Variants in HS3ST4 observed in about 807,000 individuals in gnomAD.
HS3ST4 encodes the protein heparan sulfate glucosamine 3-O-sulfotransferase 4.
A neutral mutation model predicts 29.2 loss-of-function variants in HS3ST4; 17 were observed. The observed-to-expected ratio is 0.58, with a 90% CI of 0.40 to 0.87. The LOEUF (loss-of-function observed/expected upper bound fraction) is 0.87. Among genes scored for constraint, HS3ST4 ranks in the 40% least tolerant of loss-of-function variants. HS3ST4 has a pLI of 0.00. For synonymous variants in HS3ST4, 314 were observed against 285.7 expected, an observed-to-expected ratio of 1.10 and a Z score of -1.00; for missense variants, 627 against 634.5, an observed-to-expected ratio of 0.99 and a Z score of 0.13.
At chr16:26,012,319 G>C (rs1265999707) in intron 1 of HS3ST4, among the ~76,000 whole-genome samples, 1 of 152,188 alleles carries the variant, frequency 6.6e-6, no homozygotes, top group African/African-American at 2.4e-5. Flanking sequence ...CAAAAAGAAA[G>C]GGAAGGTTTG....
At chr16:25,722,791 A>G (rs1966506599) in intron 1 of HS3ST4, among the ~76,000 whole-genome samples, 1 of 152,180 alleles carries the variant, frequency 6.6e-6, no homozygotes, top group African/African-American at 2.4e-5. Context: ...AGTAAAATGG[A>G]ACTACTAATA....
At position 25,922,327 on chromosome 16, in the gene HS3ST4, C is replaced by T. The variant is rs528147672; in HGVS notation, c.735-213285C>T. Among the ~76,000 whole-genome samples the T allele has an allele frequency of 3.9e-5, 6 of 152,146 alleles. No homozygotes were observed. In the South Asian group the frequency reaches 1.0e-3, roughly 26 times the overall value. Reference sequence around the variant, plus strand: ...GGATTGGTACCCTTAGCAAAGAGTCCCCAGAAAGCTGCCTTGCTCTTTGTA... The same window carrying T: ...GGATTGGTACCCTTAGCAAAGAGTCTCCAGAAAGCTGCCTTGCTCTTTGTA... On this transcript the variant is annotated intron_variant, in intron 1 of 1. Transcript: ENST00000331351.
intron 1 of HS3ST4, among the ~76,000 whole-genome samples, chr16:25,914,043 T>C (rs1436075443): frequency 1.4e-5 from 2 of 144,028 alleles, no homozygotes; most frequent in Admixed American, 1.4e-4. Context: ...TGTGTATGTG[T>C]GTGTGGGGTG....
At chr16:25,817,338 A>C (rs2141631511) in intron 1 of HS3ST4, among the ~76,000 whole-genome samples, 1 of 152,308 alleles carries the variant, frequency 6.6e-6, no homozygotes, top group East Asian at 1.9e-4. Context: ...ACTAGTACAG[A>C]GGTTGGCGAA....
At chr16:25,698,794 G>A (rs1966315829) in intron 1 of HS3ST4, among the ~76,000 whole-genome samples, 1 of 152,158 alleles carries the variant, frequency 6.6e-6, no homozygotes, top group Admixed American at 6.5e-5. Flanking sequence ...GCTTTGCAGT[G>A]TGCATCTCCT....
At chr16:26,032,746 C>T (rs1291238494) in intron 1 of HS3ST4, 2 of 1,102,956 alleles carry the variant, frequency 1.8e-6, no homozygotes, top group East Asian at 2.4e-5. Context: ...CGGATCTTCT[C>T]TGTGGTTCGT....
At chr16:26,102,200 C>G (rs565022109) in intron 1 of HS3ST4, among the ~76,000 whole-genome samples, 129 of 152,240 alleles carry the variant, frequency 8.5e-4, no homozygotes, top group African/African-American at 3.0e-3. Flanking sequence ...ACCTGAAAGA[C>G]TAAATCATCC....
intron 1 of HS3ST4, among the ~76,000 whole-genome samples, chr16:25,947,527 C>T (rs893363531): frequency 1.0e-4 from 15 of 149,842 alleles, no homozygotes; most frequent in East Asian, 6.0e-4. Context: ...GCAATCCATG[C>T]GGTCACCCAG....
At chr16:25,739,506 A>AC (rs1567230590) in intron 1 of HS3ST4, among the ~76,000 whole-genome samples, 1 of 152,120 alleles carries the variant, frequency 6.6e-6, no homozygotes, top group Non-Finnish European at 1.5e-5. Flanking sequence ...GACATGCTTA[A>AC]AAACAAACAA....
Position 25,880,485 on chromosome 16 carries a change from G to T in HS3ST4, c.734+187334G>T, listed in dbSNP as rs565435678. Among the ~76,000 whole-genome samples the T allele has an allele frequency of 5.9e-5, 9 of 152,278 alleles. No homozygotes were observed. In the East Asian group the frequency reaches 1.5e-3, roughly 26 times the overall value. ...CCATCTCTTTACAGTAGTTCTTGGA[G>T]TCCCAAATGGGAGTAAATACTTTCC... On this transcript the variant is annotated intron_variant, in intron 1 of 1. Coordinates refer to ENST00000331351, the MANE Select transcript of HS3ST4 (RefSeq NM_006040.3).
chr16:26,079,792 G>C (rs1368811094), intron 1 of HS3ST4, among the ~76,000 whole-genome samples: 1 of 152,204 alleles, frequency 6.6e-6, no homozygotes, highest in African/African-American at 2.4e-5. Flanking sequence ...ACCTGTCTCT[G>C]TTCTCGACTC....
At chr16:25,855,298 G>C (rs1482445185) in intron 1 of HS3ST4, among the ~76,000 whole-genome samples, 1 of 152,164 alleles carries the variant, frequency 6.6e-6, no homozygotes, top group African/African-American at 2.4e-5. Flanking sequence ...ACTTCAGAGA[G>C]AATAGGTGGT....
chr16:26,019,719 A>G (rs894133100), intron 1 of HS3ST4, among the ~76,000 whole-genome samples: 1 of 152,196 alleles, frequency 6.6e-6, no homozygotes, highest in Non-Finnish European at 1.5e-5. Context: ...TGATGGTTTG[A>G]ACATTAACAT....
chr16:25,804,807 G>A (rs537485316), intron 1 of HS3ST4, among the ~76,000 whole-genome samples: 1 of 152,200 alleles, frequency 6.6e-6, no homozygotes, highest in South Asian at 2.1e-4. Flanking sequence ...CTCAGACCTT[G>A]TAAGACTATT....
chr16:25,804,793 T>G (rs1966974097), intron 1 of HS3ST4, among the ~76,000 whole-genome samples: 1 of 152,170 alleles, frequency 6.6e-6, no homozygotes, highest in African/African-American at 2.4e-5. Flanking sequence ...ATTGGGAGCC[T>G]TATCTCAGAC....
intron 1 of HS3ST4, among the ~76,000 whole-genome samples, chr16:25,970,581 C>T (rs1003714014): frequency 2.6e-5 from 4 of 151,926 alleles, no homozygotes; most frequent in African/African-American, 4.8e-5. Flanking sequence ...GTGATTATAA[C>T]TCACTGTAGC....
intron 1 of HS3ST4, among the ~76,000 whole-genome samples, chr16:25,929,505 TC>T (rs1370128440): frequency 6.6e-6 from 1 of 152,220 alleles, no homozygotes; most frequent in East Asian, 1.9e-4. Flanking sequence ...ACTGTCTGGA[TC>T]CCTTGCCCCA....
intron 1 of HS3ST4, among the ~76,000 whole-genome samples, chr16:25,828,300 CCCTCTCTCT>C (rs1967253194): frequency 1.8e-5 from 1 of 56,800 alleles, no homozygotes; most frequent in East Asian, 4.4e-4. Context: ...TTCTTTCTTT[CCCTCTCTCT>C]CTCTCTCTCT....
At chr16:26,125,000 C>A (rs953276310) in intron 1 of HS3ST4, among the ~76,000 whole-genome samples, 1 of 152,180 alleles carries the variant, frequency 6.6e-6, no homozygotes, top group African/African-American at 2.4e-5. Context: ...AACTTTTGAT[C>A]CTTTGAGATA....
Sources: gnomAD v4.1 joint callset for allele counts (sites outside exome capture counted in the v4.1 genomes callset) on GRCh38, gnomAD v4.1.1 for gene constraint, MANE v1.5 for transcripts, NCBI Gene and HGNC (gene_info 2026-07-23, HGNC 2026-07-21) for gene names.